Variants in IFNLR1 observed in about 807,000 individuals in gnomAD.
IFNLR1 encodes CRF2-12.
A neutral mutation model predicts 52.5 loss-of-function variants in IFNLR1; 28 were observed. The observed-to-expected ratio is 0.53, with a 90% confidence interval of 0.40 to 0.73. The LOEUF (loss-of-function observed/expected upper bound fraction) is 0.73. Among genes scored for constraint, IFNLR1 ranks in the 30% least tolerant of loss-of-function variants. IFNLR1 has a pLI of 0.00. For missense variants in IFNLR1, 623 were observed against 659.1 expected, an observed-to-expected ratio of 0.95 and a Z score of 0.60; for synonymous variants, 276 against 274.9, an observed-to-expected ratio of 1.00 and a Z score of -0.04.
At chr1:24,175,295 G>A (rs1644620868) in intron 2 of IFNLR1, among the ~76,000 whole-genome samples, 1 of 152,230 alleles carries the variant, frequency 6.6e-6, no homozygotes. Context: ...CACCACCCAG[G>A]GCAAAGGGGA....
chr1:24,186,640 C>A (rs2148606155), intron 1 of IFNLR1, among the ~76,000 whole-genome samples: 1 of 152,012 alleles, frequency 6.6e-6, no homozygotes, highest in South Asian at 2.1e-4. Context: ...GTACCTGACA[C>A]CTTACTCATC....
intron 1 of IFNLR1, among the ~76,000 whole-genome samples, chr1:24,185,269 T>C (rs1644725518): frequency 6.6e-6 from 1 of 152,208 alleles, no homozygotes; most frequent in South Asian, 2.1e-4. Context: ...CTCTTGACTG[T>C]ACTTTGTCTT....
intron 2 of IFNLR1, among the ~76,000 whole-genome samples, chr1:24,176,753 T>C (rs968258457): frequency 2.6e-5 from 4 of 152,168 alleles, no homozygotes; most frequent in Non-Finnish European, 5.9e-5. Flanking sequence ...ATAAAAGGCA[T>C]TTGAAAGAAA....
At chr1:24,167,788 G>T (rs1290675410) in intron 3 of IFNLR1, among the ~76,000 whole-genome samples, 1 of 152,086 alleles carries the variant, frequency 6.6e-6, no homozygotes, top group Non-Finnish European at 1.5e-5. Flanking sequence ...TCTGCCTCCT[G>T]GGTTCACGCC....
chr1:24,159,142 T>C lies in IFNLR1; in HGVS notation c.711A>G (p.Ile237Met). Reference protein sequence around the residue: ...WAFLVLPSLLILLLVIAAGGV... With the variant: ...WAFLVLPSLLMLLLVIAAGGV... ...CCCCTGCGGCAATTACTAACAGCAGTATCAGAAGCGATGGCAGCACCAGGA... is the reference window on the plus strand; with the variant it reads ...CCCCTGCGGCAATTACTAACAGCAGCATCAGAAGCGATGGCAGCACCAGGA... The change falls in exon 6 of 7, where the codon ATA becomes ATG. Residue 237 changes from isoleucine (I) to methionine (M), a missense_variant. Physicochemically the swap from Ile to Met is conservative, Grantham distance 10 (BLOSUM62 1). Coordinates refer to ENST00000327535, the MANE Select transcript of IFNLR1 (RefSeq NM_170743.4). 6.2e-7 allele frequency: 1 copy of C among 1,614,108 alleles called. No homozygotes were observed. The highest frequency in any genetic ancestry group is 8.5e-7 in the Non-Finnish European group (1 of 1,180,006).
At position 24,154,880 on chromosome 1, in the gene IFNLR1, A is replaced by G. The variant is rs1423631223; in HGVS notation, c.*2250T>C. 1 of 152,242 alleles carries G rather than the reference A, an allele frequency of 6.6e-6. No homozygotes were observed. Among genetic ancestry groups the G allele is most frequent in the Non-Finnish European group, 1.5e-5 (1 of 68,064 alleles). 9.4% of individuals were successfully genotyped at this position (152,242 alleles called of 1,614,324 possible). ...AGATTGTACCACTGCACTCCAGCCT[A>G]GGCAAAAAGAACAAAACTCCGACTC... On this transcript the variant is annotated 3_prime_UTR_variant, in exon 7 of 7. Transcript: ENST00000327535.
chr1:24,183,561 C>G (rs1445696045), intron 1 of IFNLR1, among the ~76,000 whole-genome samples: 3 of 152,164 alleles, frequency 2.0e-5, no homozygotes, highest in African/African-American at 4.8e-5. Context: ...GTCTGGCCAA[C>G]AGAGCAAGAC....
In IFNLR1 at chr1:24,162,800, CTTT is replaced by C. The variant is rs1557644039; in HGVS notation, c.368-1119_368-1117del. On this transcript the variant is annotated intron_variant, in intron 3 of 6. Transcript: ENST00000327535. ...TCTTTTTCTTTCTTTTTCTTTCTTT[CTTT>C]TTTCTTTCTTTTTTTCTTCTTTCTT... is the stretch of plus-strand genomic sequence containing the variant. Among the ~76,000 whole-genome samples the C allele has an allele frequency of 3.5e-3, 221 of 62,474 alleles. 16 individuals are homozygous for C. In the Middle Eastern group the frequency reaches 0.048, roughly 13 times the overall value. 41.0% of individuals were successfully genotyped at this position (62,474 alleles called of 152,430 possible). A position where few individuals can be genotyped will look rare whatever the true frequency, so the allele number is the denominator to read the frequency against.
rs763905088 is a variant in IFNLR1 at position 24,157,142 on chromosome 1, G to A, written c.1551C>T (p.Tyr517=). 4 of 1,610,440 alleles carry A rather than the reference G, an allele frequency of 2.5e-6. No individual in the cohort carries two copies. The highest frequency in any genetic ancestry group is 1.7e-5 in the Admixed American group (1 of 59,796). Residue 517 remains tyrosine, a synonymous_variant, in exon 7 of 7, where the codon TAC becomes TAT. Coordinates refer to ENST00000327535, the MANE Select transcript of IFNLR1 (RefSeq NM_170743.4). This position sits in a 1 kb window ranked among gnomAD's most constrained non-coding sequence, Gnocchi z 5.1. ...TEDRGRTLGH[Y]MAR ...GTCGGGGGACAGCTCACCTGGCCAT[G>A]TAATGCCCCAATGTCCGGCCCCTGT...
At chr1:24,179,197 C>T in intron 2 of IFNLR1, among the ~76,000 whole-genome samples, 1 of 152,092 alleles carries the variant, frequency 6.6e-6, no homozygotes, top group East Asian at 1.9e-4. Flanking sequence ...AATCTCCCCA[C>T]CCACCTCGGC....
At position 24,155,321 on chromosome 1, in the gene IFNLR1, C is replaced by T. The variant is rs1644367726; in HGVS notation, c.*1809G>A. The T allele has an allele frequency of 6.6e-6, 1 of 152,190 alleles. No homozygotes were observed. The highest frequency in any genetic ancestry group is 1.5e-5 in the Non-Finnish European group (1 of 68,058). 9.4% of individuals were successfully genotyped at this position (152,190 alleles called of 1,614,324 possible). Reference sequence around the variant, plus strand: ...CATGGACAAGGGGTCAGAGGTTGGCCCGGCTGTGCAGAGATCGAAGCTCTT... The same window carrying T: ...CATGGACAAGGGGTCAGAGGTTGGCTCGGCTGTGCAGAGATCGAAGCTCTT... On this transcript the variant is annotated 3_prime_UTR_variant, in exon 7 of 7. Transcript: ENST00000327535.
In IFNLR1 at chr1:24,157,557, C is replaced by G. The variant is rs765896629; in HGVS notation, c.1136G>C (p.Gly379Ala). ...GTCTGAAGAATCCCAAGCAGAGGAG[C>G]CTTCGCTTGGGACCAGAGGAGCCCT... ...RPRAPLVPSEGSSAWDSSDRS... is the reference protein window; with the variant it reads ...RPRAPLVPSEASSAWDSSDRS... The change falls in exon 7 of 7, where the codon GGC (glycine) becomes GCC (alanine). Residue 379 changes from glycine to alanine, a missense_variant. Gly to Ala is a moderately conservative substitution (Grantham distance 60, BLOSUM62 0). Transcript: ENST00000327535. This position sits in a 1 kb window ranked among gnomAD's most constrained non-coding sequence, Gnocchi z 5.1. 6.2e-7 allele frequency: 1 copy of G among 1,612,110 alleles called. No homozygotes were observed. The highest frequency in any genetic ancestry group is 1.1e-5 in the South Asian group (1 of 90,732).
At chr1:24,178,422 C>T (rs922156075) in intron 2 of IFNLR1, among the ~76,000 whole-genome samples, 2 of 152,134 alleles carry the variant, frequency 1.3e-5, no homozygotes, top group African/African-American at 4.8e-5. Flanking sequence ...CCATTTCTTA[C>T]TAAATGGAGA....
chr1:24,165,855 C>G (rs1404155494), intron 3 of IFNLR1, among the ~76,000 whole-genome samples: 1 of 152,098 alleles, frequency 6.6e-6, no homozygotes, highest in Non-Finnish European at 1.5e-5. Context: ...TGTATCCTGA[C>G]CTTCAGGAGC....
intron 2 of IFNLR1, among the ~76,000 whole-genome samples, chr1:24,172,037 T>C (rs1644586513): frequency 6.6e-6 from 1 of 152,058 alleles, no homozygotes; most frequent in African/African-American, 2.4e-5. Context: ...ACTTCTGGCC[T>C]CAAGCAATCC....
intron 2 of IFNLR1, among the ~76,000 whole-genome samples, chr1:24,173,421 GAA>G (rs1644601489): frequency 6.6e-6 from 1 of 152,036 alleles, no homozygotes; most frequent in African/African-American, 2.4e-5. Flanking sequence ...TGGTTAAAAT[GAA>G]AAAGACTGAT....
chr1:24,176,131 A>G (rs1644630705), intron 2 of IFNLR1, among the ~76,000 whole-genome samples: 1 of 152,182 alleles, frequency 6.6e-6, no homozygotes, highest in South Asian at 2.1e-4. Flanking sequence ...ACATAGTCAT[A>G]CAATGGCATT....
At chr1:24,186,664 A>AAACAACAAC (rs57142907) in intron 1 of IFNLR1, among the ~76,000 whole-genome samples, 9 of 151,474 alleles carry the variant, frequency 5.9e-5, no homozygotes, top group African/African-American at 2.2e-4. Flanking sequence ...AGAGGTGGGA[A>AAACAACAAC]AACAACAACA....
intron 1 of IFNLR1, among the ~76,000 whole-genome samples, chr1:24,181,753 C>T (rs1049323134): frequency 9.2e-5 from 14 of 152,216 alleles, no homozygotes; most frequent in African/African-American, 2.9e-4. Flanking sequence ...GGAACACAGT[C>T]TGGCTCCCAG....
Sources: gnomAD v4.1 joint callset for allele counts (sites outside exome capture counted in the v4.1 genomes callset) on GRCh38, gnomAD v4.1.1 for gene constraint, Gnocchi (gnomAD v3.1) non-coding constraint, MANE v1.5 for transcripts, NCBI Gene and HGNC (gene_info 2026-07-23, HGNC 2026-07-21) for gene names.